GRIA3: variants seen among roughly 807,000 people sequenced by gnomAD.
The protein encoded by GRIA3 is glutamate ionotropic receptor AMPA type subunit 3.
In GRIA3, 3 loss-of-function variants were observed where a neutral mutation model predicts 63.0. The observed-to-expected ratio is 0.05, with a 90% CI of 0.02 to 0.12. The LOEUF (loss-of-function observed/expected upper bound fraction) is 0.12. Among genes scored for constraint, GRIA3 ranks in the 10% least tolerant of loss-of-function variants. GRIA3 has a pLI of 1.00. For missense variants in GRIA3, 347 were observed against 700.9 expected, an observed-to-expected ratio of 0.50 and a Z score of 5.70; for synonymous variants, 274 against 257.9, an observed-to-expected ratio of 1.06 and a Z score of -0.60.
At chrX:123,300,360 CTTTTTTTT>C (rs147031319) in intron 3 of GRIA3, among the ~76,000 whole-genome samples, 3 of 22,520 alleles carry the variant, frequency 1.3e-4, no homozygotes, top group African/African-American at 3.8e-4. Flanking sequence ...TGGTCCTGGG[CTTTTTTTT>C]TTTTTTTTTT....
intron 13 of GRIA3, chrX:123,465,824 G>A: frequency 2.1e-6 from 2 of 947,026 alleles, no homozygotes; most frequent in Non-Finnish European, 3.1e-6. Context: ...GGTACCCTTA[G>A]TGACGAGTAA....
At chrX:123,252,896 T>C (rs1424897919) in intron 2 of GRIA3, among the ~76,000 whole-genome samples, 1 of 111,995 alleles carries the variant, frequency 8.9e-6, no homozygotes, top group Non-Finnish European at 1.9e-5. Context: ...CAGTCACCTA[T>C]GAGAAAAAGG....
At chrX:123,284,449 C>T (rs1010491578) in intron 3 of GRIA3, among the ~76,000 whole-genome samples, 3 of 111,084 alleles carry the variant, frequency 2.7e-5, no homozygotes, top group Non-Finnish European at 3.8e-5. Flanking sequence ...TAGCAACCTC[C>T]TCCGAGCTAA....
intron 12 of GRIA3, among the ~76,000 whole-genome samples, chrX:123,434,141 C>A (rs764747774): frequency 1.8e-5 from 2 of 111,773 alleles, no homozygotes; most frequent in South Asian, 3.8e-4. Flanking sequence ...GCAGGGTATG[C>A]TGACATTTTG....
chrX:123,286,193 A>C (rs189592566), intron 3 of GRIA3, among the ~76,000 whole-genome samples: 1 of 112,182 alleles, frequency 8.9e-6, no homozygotes. Flanking sequence ...AAATTAAGGC[A>C]GAAATAAATA....
intron 4 of GRIA3, 30 bp downstream of exon 4, chrX:123,326,243 C>T (rs1226320518): frequency 8.8e-7 from 1 of 1,131,938 alleles, no homozygotes; most frequent in Admixed American, 2.2e-5. Flanking sequence ...CACCGCCAGC[C>T]AACATGTTAA....
intron 10 of GRIA3, among the ~76,000 whole-genome samples, chrX:123,414,967 T>G (rs775724653): frequency 9.8e-4 from 110 of 112,036 alleles, no homozygotes; most frequent in African/African-American, 3.4e-3. Context: ...AAATGGTATT[T>G]CTAGTTCTAT....
At chrX:123,228,133 T>C (rs1320062104) in intron 2 of GRIA3, among the ~76,000 whole-genome samples, 2 of 111,827 alleles carry the variant, frequency 1.8e-5, no homozygotes, top group Non-Finnish European at 3.8e-5. Context: ...TGCGCCAACA[T>C]TGTTAGCCTC....
chrX:123,335,377 C>T (rs763012801), intron 4 of GRIA3, among the ~76,000 whole-genome samples: 1 of 111,616 alleles, frequency 9.0e-6, no homozygotes, highest in African/African-American at 3.3e-5. Context: ...CTAGGAAATA[C>T]CTAGGGAAAA....
At chrX:123,260,913 A>G (rs141903416) in intron 3 of GRIA3, among the ~76,000 whole-genome samples, 2 of 111,279 alleles carry the variant, frequency 1.8e-5, no homozygotes, top group Non-Finnish European at 3.8e-5. Flanking sequence ...GTGAATGACT[A>G]TTTGGACTGG....
intron 3 of GRIA3, among the ~76,000 whole-genome samples, chrX:123,316,258 A>T (rs1194909539): frequency 8.9e-6 from 1 of 111,761 alleles, no homozygotes; most frequent in Non-Finnish European, 1.9e-5. Context: ...ATAAACAGGC[A>T]GTACTCGAAA....
chrX:123,410,217 G>C (rs1176256389), intron 10 of GRIA3, among the ~76,000 whole-genome samples: 2 of 111,565 alleles, frequency 1.8e-5, no homozygotes, highest in Non-Finnish European at 3.8e-5. Context: ...GGGAAAAAGA[G>C]AGTCAGGAGA....
At chrX:123,248,173 A>G in intron 2 of GRIA3, among the ~76,000 whole-genome samples, 1 of 112,511 alleles carries the variant, frequency 8.9e-6, no homozygotes, top group Non-Finnish European at 1.9e-5. Flanking sequence ...CATTATCCCA[A>G]TTTTACAGAT....
chrX:123,289,219 T>C (rs760928332), intron 3 of GRIA3, among the ~76,000 whole-genome samples: 1 of 110,038 alleles, frequency 9.1e-6, no homozygotes, highest in Non-Finnish European at 1.9e-5. Flanking sequence ...AGTTGAACAA[T>C]GAGAACACAT....
chrX:123,287,322 A>G (rs1426437188), intron 3 of GRIA3, among the ~76,000 whole-genome samples: 2 of 112,136 alleles, frequency 1.8e-5, no homozygotes, highest in African/African-American at 6.5e-5. Context: ...AGAATGGGCA[A>G]AAGCTGGAAG....
At chrX:123,314,141 T>C (rs913028465) in intron 3 of GRIA3, among the ~76,000 whole-genome samples, 3 of 112,184 alleles carry the variant, frequency 2.7e-5, no homozygotes, top group Non-Finnish European at 3.8e-5. Context: ...CTAACATCCA[T>C]GTCACTCACT....
At chrX:123,202,690 G>A (rs929621002) in intron 2 of GRIA3, 15 of 1,165,898 alleles carry the variant, frequency 1.3e-5, no homozygotes, top group Non-Finnish European at 1.7e-5. Context: ...GAAAACAATT[G>A]GACAGCTCTG....
Position 123,462,262 on chromosome X carries a change from T to C in GRIA3, c.2077-2603T>C, listed in dbSNP as rs370217274. On this transcript the variant is annotated intron_variant, in intron 12 of 15. Transcript: ENST00000620443. The stretch of plus-strand genomic sequence containing the variant: ...CTTTAAAAATTTAAGTAAGATCTTA[T>C]CACACCCCTCCTCAAAATCTTCCAA... Among the ~76,000 whole-genome samples, 55 of 111,555 alleles carry C rather than the reference T, an allele frequency of 4.9e-4. No homozygotes were observed. In the South Asian group the frequency reaches 0.01, roughly 21 times the overall value.
chrX:123,463,660 GAA>G lies in GRIA3; in HGVS notation c.2077-1203_2077-1202del, dbSNP rs1360348333. 4.2e-3 allele frequency among the ~76,000 whole-genome samples: 212 copies of G among 50,468 alleles called. 17 individuals carry two copies. Among genetic ancestry groups the G allele is most frequent in the African/African-American group, 0.016 (155 of 9,785 alleles). The allele number at this position is 50,468 out of a possible 115,157, so 43.8% of individuals were successfully genotyped here. A position where few individuals can be genotyped will look rare whatever the true frequency, so the allele number is the denominator to read the frequency against. On this transcript the variant is annotated intron_variant, in intron 12 of 15. Coordinates refer to ENST00000620443, the MANE Select transcript of GRIA3 (RefSeq NM_007325.5). ...AGAAAGAAAGAAAGAAAGAAAGAAA[GAA>G]AGAAAGAAAGAAAGAAAGAAAGAGA...
Sources: allele counts gnomAD v4.1 joint callset (sites outside exome capture counted in the v4.1 genomes callset), GRCh38; gene constraint gnomAD v4.1.1; transcripts MANE v1.5; gene names NCBI Gene and HGNC (gene_info 2026-07-23, HGNC 2026-07-21).